Variants in PARP1 observed in about 807,000 individuals in gnomAD.
The protein encoded by PARP1 is poly(ADP-ribose) polymerase 1, also known as poly [ADP-ribose] polymerase 1.
A neutral mutation model predicts 118.7 loss-of-function variants in PARP1; 44 were observed. The observed-to-expected ratio is 0.37, with a 90% confidence interval of 0.29 to 0.48. The LOEUF (loss-of-function observed/expected upper bound fraction) is 0.48, where lower values mean the gene tolerates loss of function less well. PARP1 is among the 20% of genes least tolerant of loss of function. The pLI is 0.99. For missense variants in PARP1, 1,100 were observed against 1,272.4 expected (o/e 0.86, Z 2.06); for synonymous variants, 492 against 483.2 (o/e 1.02, Z -0.24).
rs369918206 is a variant in PARP1 at position 226,363,884 on chromosome 1, A to G, written c.2786+59T>C. 86 of 1,597,606 alleles carry G rather than the reference A, an allele frequency of 5.4e-5. No individual in the cohort carries two copies. In the African/African-American group the frequency reaches 1.1e-3, roughly 20 times the overall value. ...CTCCCAGCCAAGGGGAGTTCTGCCTATAGCCCATTCCACCTGTCCCCATGA... is the reference window on the plus strand; with the variant it reads ...CTCCCAGCCAAGGGGAGTTCTGCCTGTAGCCCATTCCACCTGTCCCCATGA... On this transcript the variant is annotated intron_variant, in intron 20 of 22. Coordinates refer to ENST00000366794, the MANE Select transcript of PARP1 (RefSeq NM_001618.4).
At chr1:226,385,461 G>A (rs371701387) in intron 7 of PARP1, 43 bp downstream of exon 7, 159 of 1,589,536 alleles carry the variant, frequency 1.0e-4, no homozygotes, top group Non-Finnish European at 1.3e-4. Context: ...GTGGGGCCAG[G>A]TTTTTCTCCC....
rs1401364722 is a variant in PARP1, at chr1:226,365,947, T to C, written c.2505+7A>G. ...CAGAAGGAAGTGGGGGAAGAAGGGA[T>C]TCTTACATCGATGACTTCCAAGTCA... On this transcript the variant is annotated splice_region_variant and intron_variant, in intron 18 of 22. Coordinates refer to ENST00000366794, the MANE Select transcript of PARP1 (RefSeq NM_001618.4). The C allele has an allele frequency of 3.2e-6, 5 of 1,580,146 alleles. No homozygotes were observed. The highest frequency in any genetic ancestry group is 4.4e-6 in the Non-Finnish European group (5 of 1,148,974).
chr1:226,386,332 C>T lies in PARP1; in HGVS notation c.828G>A (p.Glu276=). ...IFNKQQVPSG[E]SAILDRVADG... ...TAACACAAAGGCAGCTCACCGCCGA[C>T]TCCCCAGAAGGCACTTGCTGCTTGT... The change falls in exon 6 of 23, where the codon GAG becomes GAA. Residue 276 remains glutamate (E), a synonymous_variant. Coordinates refer to ENST00000366794, the MANE Select transcript of PARP1 (RefSeq NM_001618.4). The T allele has an allele frequency of 1.2e-6, 2 of 1,603,770 alleles. No homozygotes were observed. Among genetic ancestry groups the T allele is most frequent in the Non-Finnish European group, 1.7e-6 (2 of 1,170,520 alleles).
At chr1:226,368,605 A>G (rs1664319629) in intron 15 of PARP1, among the ~76,000 whole-genome samples, 1 of 152,244 alleles carries the variant, frequency 6.6e-6, no homozygotes, top group Admixed American at 6.5e-5. Context: ...ACCCCGCCAC[A>G]ACTATGCAAA....
chr1:226,393,355 G>C lies in PARP1; in HGVS notation c.287-1041C>G, dbSNP rs891509075. Reference sequence around the variant, plus strand: ...CTAAATAAATGAAGAGATGCATCATGTTCATGGACTGTTAAGATGTCAATT... The same window carrying C: ...CTAAATAAATGAAGAGATGCATCATCTTCATGGACTGTTAAGATGTCAATT... On this transcript the variant is annotated intron_variant, in intron 2 of 22. Coordinates refer to ENST00000366794, the MANE Select transcript of PARP1 (RefSeq NM_001618.4). Among the ~76,000 whole-genome samples, 5 of 152,216 alleles carry C rather than the reference G, an allele frequency of 3.3e-5. No homozygotes were observed. The South Asian group carries it at 1.0e-3, about 32-fold the overall frequency.
intron 9 of PARP1, among the ~76,000 whole-genome samples, chr1:226,380,806 T>C (rs935057230): frequency 2.6e-5 from 4 of 152,192 alleles, no homozygotes; most frequent in African/African-American, 7.2e-5. Context: ...TTGAGGCAAT[T>C]TGTTTGGGCT....
At chr1:226,364,331 G>A (rs1478947475) in intron 19 of PARP1, 4 of 432,882 alleles carry the variant, frequency 9.2e-6, no homozygotes, top group African/African-American at 4.0e-5. Context: ...CTCAAATGGG[G>A]AACACAGTCT....
intron 7 of PARP1, 24 bp downstream of exon 7, chr1:226,385,480 C>A: frequency 6.2e-7 from 1 of 1,611,480 alleles, no homozygotes; most frequent in Non-Finnish European, 8.5e-7. Context: ...CCAACAGATC[C>A]CAGGATCTTC....
intron 2 of PARP1, among the ~76,000 whole-genome samples, chr1:226,400,900 C>T (rs1053625904): frequency 2.0e-5 from 3 of 152,220 alleles, no homozygotes; most frequent in Non-Finnish European, 4.4e-5. Context: ...TGAGGGCATC[C>T]TGCATGACCA....
In PARP1 at chr1:226,377,264, C is replaced by A. The variant is rs1664510931; in HGVS notation, c.1785G>T (p.Val595=). The A allele has an allele frequency of 6.2e-7, 1 of 1,613,930 alleles. No individual in the cohort carries two copies. Residue 595 remains valine (V), a synonymous_variant, in exon 13 of 23, where the codon GTG becomes GTT. Transcript: ENST00000366794. ...IFRSWGRVGT[V]IGSNKLEQMP... The stretch of plus-strand genomic sequence containing the variant: ...TCTGTTCCAGTTTGTTGCTACCGAT[C>A]ACCGTACCCACACGGCCCCAGGACC...
In PARP1 at chr1:226,365,951, T is replaced by C; in HGVS notation, c.2505+3A>G. ...AGGAAGTGGGGGAAGAAGGGATTCT[T>C]ACATCGATGACTTCCAAGTCATACG... On this transcript the variant is annotated splice_donor_region_variant and intron_variant, in intron 18 of 22. Transcript: ENST00000366794. The C allele has an allele frequency of 6.3e-7, 1 of 1,590,356 alleles. No homozygotes were observed. Among genetic ancestry groups the C allele is most frequent in the Non-Finnish European group, 8.6e-7 (1 of 1,158,268 alleles).
chr1:226,407,659 A>C, intron 1 of PARP1, 151 bp downstream of exon 1: 2 of 656,408 alleles, frequency 3.0e-6, no homozygotes, highest in Non-Finnish European at 2.3e-6. Context: ...GCCGCTCGGG[A>C]GGAGGGGCGG....
At chr1:226,365,380 G>A (rs1416786486) in intron 18 of PARP1, among the ~76,000 whole-genome samples, 1 of 152,246 alleles carries the variant, frequency 6.6e-6, no homozygotes, top group Non-Finnish European at 1.5e-5. Flanking sequence ...TGCAGCAGAT[G>A]TGCACTTGAG....
intron 14 of PARP1, among the ~76,000 whole-genome samples, chr1:226,373,948 CTG>C (rs1251861061): frequency 2.0e-5 from 3 of 152,072 alleles, no homozygotes; most frequent in African/African-American, 7.2e-5. Context: ...TGGTGAGACT[CTG>C]TCTCAGAAAA....
chr1:226,361,757 G>A, intron 22 of PARP1: 1 of 664,518 alleles, frequency 1.5e-6, no homozygotes, highest in Non-Finnish European at 2.7e-6. Context: ...ACTGAGGAGA[G>A]GAGATCATCC....
intron 14 of PARP1, chr1:226,370,772 G>T: frequency 1.8e-6 from 1 of 543,760 alleles, no homozygotes; most frequent in Non-Finnish European, 3.4e-6. Context: ...CTGCCCCTAT[G>T]CCCAGTTTCA....
In PARP1 at chr1:226,397,153, TA is replaced by T. The variant is rs3046773; in HGVS notation, c.287-4840del. ...ACACAGTGAGACTCTGTCTCTATCTTAAAAAAAAAAAAAAAAAAAAAGTTAA... is the reference window on the plus strand; with the variant it reads ...ACACAGTGAGACTCTGTCTCTATCTTAAAAAAAAAAAAAAAAAAAAGTTAA... On this transcript the variant is annotated intron_variant, in intron 2 of 22. Transcript: ENST00000366794. 6.2e-3 allele frequency among the ~76,000 whole-genome samples: 783 copies of T among 126,128 alleles called. 6 individuals are homozygous for T. Among genetic ancestry groups the T allele is most frequent in the African/African-American group, 0.014 (465 of 34,014 alleles). 82.7% of individuals were successfully genotyped at this position (126,128 alleles called of 152,430 possible). A position where few individuals can be genotyped will look rare whatever the true frequency, so the allele number is the denominator to read the frequency against.
intron 1 of PARP1, among the ~76,000 whole-genome samples, chr1:226,407,599 C>T (rs1047998956): frequency 6.6e-6 from 1 of 152,124 alleles, no homozygotes; most frequent in African/African-American, 2.4e-5. Context: ...GACTTTATTT[C>T]CCGGGCTTTT....
chr1:226,377,581 G>A (rs1034155501), intron 12 of PARP1, among the ~76,000 whole-genome samples: 1 of 152,194 alleles, frequency 6.6e-6, no homozygotes, highest in African/African-American at 2.4e-5. Flanking sequence ...GGAGTCTGGA[G>A]ACCTTTGCAT....
Sources: allele counts gnomAD v4.1 joint callset (sites outside exome capture counted in the v4.1 genomes callset), GRCh38; gene constraint gnomAD v4.1.1; transcripts MANE v1.5; gene names NCBI Gene and HGNC (gene_info 2026-07-23, HGNC 2026-07-21).